SHROOM3: variants seen among roughly 807,000 people sequenced by gnomAD.
The protein encoded by SHROOM3 is protein Shroom3.
A neutral mutation model predicts 138.6 loss-of-function variants in SHROOM3; 47 were observed. That is an observed-to-expected ratio of 0.34 (90% CI 0.27 to 0.43). SHROOM3 has a LOEUF of 0.43. Ranked by LOEUF, SHROOM3 falls within the 20% of genes least tolerant of loss-of-function variation. SHROOM3 has a pLI of 1.00. For synonymous variants in SHROOM3, 1,062 were observed against 1,063.3 expected (o/e 1.00, Z 0.02); for missense variants, 2,491 against 2,596.5 (o/e 0.96, Z 0.88).
intron 2 of SHROOM3, among the ~76,000 whole-genome samples, chr4:76,633,804 G>C (rs1735413009): frequency 6.6e-6 from 1 of 152,040 alleles, no homozygotes; most frequent in Non-Finnish European, 1.5e-5. Flanking sequence ...ATAGCATTGG[G>C]ATTGGAACCC....
chr4:76,737,853 GTGATTTTTTA>G, intron 4 of SHROOM3, among the ~76,000 whole-genome samples: 1 of 152,202 alleles, frequency 6.6e-6, no homozygotes, highest in East Asian at 1.9e-4. Flanking sequence ...TGAGTTTTAA[GTGATTTTTTA>G]AAAACACATA....
At chr4:76,645,621 G>C in intron 2 of SHROOM3, 1 of 152,144 alleles carries the variant, frequency 6.6e-6, no homozygotes, top group Non-Finnish European at 1.5e-5. Context: ...GTGGGTTTTT[G>C]TCTAAATAAA....
intron 2 of SHROOM3, among the ~76,000 whole-genome samples, chr4:76,640,530 A>T (rs988498603): frequency 8.5e-5 from 13 of 152,302 alleles, no homozygotes; most frequent in African/African-American, 2.9e-4. Context: ...GTAATGTGGC[A>T]AAATCACAGA....
intron 2 of SHROOM3, among the ~76,000 whole-genome samples, chr4:76,562,129 T>C (rs1733612600): frequency 6.6e-6 from 1 of 152,198 alleles, no homozygotes; most frequent in South Asian, 2.1e-4. Flanking sequence ...TGAACTTCCT[T>C]TGGGAAGGAA....
At chr4:76,557,029 G>A (rs111402214) in intron 2 of SHROOM3, among the ~76,000 whole-genome samples, 12 of 152,182 alleles carry the variant, frequency 7.9e-5, no homozygotes, top group South Asian at 4.1e-4. Flanking sequence ...AGACAGACCC[G>A]GGTTCAAATT....
intron 1 of SHROOM3, among the ~76,000 whole-genome samples, chr4:76,527,725 C>T (rs1732728730): frequency 1.3e-5 from 2 of 152,164 alleles, no homozygotes. Flanking sequence ...TTATGGTGTC[C>T]ATTTCAAAGG....
At chr4:76,513,048 C>T (rs956311939) in intron 1 of SHROOM3, among the ~76,000 whole-genome samples, 2 of 152,152 alleles carry the variant, frequency 1.3e-5, no homozygotes, top group African/African-American at 4.8e-5. Context: ...AAGTCACCCT[C>T]CACAGATGCA....
At chr4:76,440,574 G>A (rs1730649601) in intron 1 of SHROOM3, among the ~76,000 whole-genome samples, 1 of 152,186 alleles carries the variant, frequency 6.6e-6, no homozygotes, top group Admixed American at 6.5e-5. Context: ...ACTGCTTTAA[G>A]TAGTTCAAGA....
intron 2 of SHROOM3, among the ~76,000 whole-genome samples, chr4:76,678,942 A>G (rs6532563): frequency 0.43 from 64,889 of 152,148 alleles, 14,420 homozygotes; most frequent in East Asian, 0.59. Context: ...GATTACAGGC[A>G]TGAGCCACCC....
At chr4:76,448,601 C>T (rs550966889) in intron 1 of SHROOM3, among the ~76,000 whole-genome samples, 1 of 152,320 alleles carries the variant, frequency 6.6e-6, no homozygotes, top group East Asian at 1.9e-4. Flanking sequence ...GAATCCAACT[C>T]CAGTTGCCCA....
At chr4:76,696,003 G>A (rs146590127) in intron 2 of SHROOM3, among the ~76,000 whole-genome samples, 25 of 152,238 alleles carry the variant, frequency 1.6e-4, no homozygotes, top group African/African-American at 6.0e-4. Flanking sequence ...GTGCCACTGT[G>A]TACCAATTAT....
At chr4:76,745,473 T>C (rs1445558974) in intron 5 of SHROOM3, among the ~76,000 whole-genome samples, 1 of 152,206 alleles carries the variant, frequency 6.6e-6, no homozygotes, top group African/African-American at 2.4e-5. Flanking sequence ...ACTGAATTGC[T>C]GAGGAAATTG....
intron 2 of SHROOM3, chr4:76,688,908 C>A: frequency 1.0e-6 from 1 of 984,106 alleles, no homozygotes; most frequent in Non-Finnish European, 1.2e-6. Context: ...GTGACTTACA[C>A]TGAGAAGAGG....
intron 1 of SHROOM3, among the ~76,000 whole-genome samples, chr4:76,540,573 G>A (rs989362679): frequency 4.6e-5 from 7 of 152,048 alleles, no homozygotes; most frequent in Non-Finnish European, 2.9e-5. Flanking sequence ...GCCTAAGATC[G>A]AACCATTGGA....
intron 8 of SHROOM3, chr4:76,758,160 G>A (rs1161687142): frequency 1.3e-5 from 2 of 152,204 alleles, no homozygotes; most frequent in Non-Finnish European, 2.9e-5. Flanking sequence ...TTGAGGTGAA[G>A]TGATTTATCC....
intron 1 of SHROOM3, among the ~76,000 whole-genome samples, chr4:76,537,488 G>C (rs1031575978): frequency 3.9e-5 from 6 of 152,176 alleles, no homozygotes; most frequent in Non-Finnish European, 8.8e-5. Context: ...ATGTTATAGG[G>C]CAAGGATGTG....
intron 1 of SHROOM3, among the ~76,000 whole-genome samples, chr4:76,524,943 T>C (rs959083764): frequency 1.3e-5 from 2 of 152,202 alleles, no homozygotes; most frequent in African/African-American, 4.8e-5. Flanking sequence ...AAGTTTCCAT[T>C]TTTCTGGAAT....
intron 2 of SHROOM3, among the ~76,000 whole-genome samples, chr4:76,653,214 A>G (rs1219301561): frequency 6.6e-6 from 1 of 152,086 alleles, no homozygotes; most frequent in Admixed American, 6.6e-5. Flanking sequence ...TAGGAATCCT[A>G]TATTGAATTC....
chr4:76,513,840 C>A (rs1732390246), intron 1 of SHROOM3, among the ~76,000 whole-genome samples: 1 of 152,126 alleles, frequency 6.6e-6, no homozygotes, highest in South Asian at 2.1e-4. Context: ...TTTTTCTTAT[C>A]CGGGTCAGAC....
Sources: allele counts gnomAD v4.1 joint callset (sites outside exome capture counted in the v4.1 genomes callset), GRCh38; gene constraint gnomAD v4.1.1; transcripts MANE v1.5; gene names NCBI Gene and HGNC (gene_info 2026-07-23, HGNC 2026-07-21).